The following ABHD12 variants were observed in gnomAD, a reference collection of about 807,000 sequenced individuals.
ABHD12 encodes the protein abhydrolase domain containing 12, lysophospholipase.
In ABHD12, 43 loss-of-function variants were observed where a neutral mutation model predicts 58.3. The ratio of observed to expected loss-of-function variants is 0.74; its 90% CI spans 0.58 to 0.95. ABHD12 has a LOEUF of 0.95. Ranked by LOEUF, ABHD12 falls within the 40% of genes least tolerant of loss-of-function variation. The pLI, the probability that ABHD12 is intolerant of heterozygous loss-of-function variation, is 0.00. For missense variants in ABHD12, 539 were observed against 537.2 expected (o/e 1.00, Z -0.03); for synonymous variants, 219 against 211.2 (o/e 1.04, Z -0.32).
chr20:25,354,879 A>G (rs1014786949), intron 1 of ABHD12, among the ~76,000 whole-genome samples: 1 of 152,116 alleles, frequency 6.6e-6, no homozygotes, highest in South Asian at 2.1e-4. Flanking sequence ...ACCTACCCCA[A>G]TCACATCTAT....
exon 13 of ABHD12, chr20:25,294,907 C>T: frequency 1.3e-6 from 2 of 1,551,982 alleles, no homozygotes; most frequent in Non-Finnish European, 1.8e-6. Context: ...CCACTTTCAG[C>T]TGCCTTTGGG....
chr20:25,358,636 T>G (rs1364785442), intron 1 of ABHD12, among the ~76,000 whole-genome samples: 2 of 152,132 alleles, frequency 1.3e-5, no homozygotes, highest in Non-Finnish European at 2.9e-5. Flanking sequence ...AGGTACAAAC[T>G]CCACATCTGC....
At chr20:25,352,647 C>T (rs1568753213) in intron 1 of ABHD12, among the ~76,000 whole-genome samples, 1 of 152,170 alleles carries the variant, frequency 6.6e-6, no homozygotes, top group African/African-American at 2.4e-5. Context: ...AATTAAGTGA[C>T]TATCTGTATC....
chr20:25,323,288 T>C, intron 3 of ABHD12, 37 bp downstream of exon 3: 2 of 1,379,406 alleles, frequency 1.4e-6, no homozygotes, highest in Admixed American at 1.7e-5. Flanking sequence ...GGTCCTTTCC[T>C]GCTGCTGGAG....
intron 1 of ABHD12, among the ~76,000 whole-genome samples, chr20:25,370,682 A>G (rs922731906): frequency 6.6e-5 from 10 of 152,154 alleles, no homozygotes; most frequent in African/African-American, 2.4e-4. Flanking sequence ...CTACTTAACC[A>G]TCCATGCCTT....
At chr20:25,334,287 A>C (rs374699149) in intron 2 of ABHD12, among the ~76,000 whole-genome samples, 2 of 150,422 alleles carry the variant, frequency 1.3e-5, no homozygotes, top group Non-Finnish European at 2.9e-5. Context: ...ACAAACCACT[A>C]CTCAAGGAAA....
intron 2 of ABHD12, among the ~76,000 whole-genome samples, chr20:25,335,262 A>G (rs894666904): frequency 1.2e-4 from 19 of 152,144 alleles, no homozygotes; most frequent in Non-Finnish European, 1.8e-4. Context: ...ATGAGATACC[A>G]TTTCACACCA....
intron 1 of ABHD12, chr20:25,368,756 G>C: frequency 1.0e-6 from 1 of 991,834 alleles, no homozygotes. Context: ...AAGAACAGTG[G>C]GGTTGACCAT....
downstream of ABHD12, chr20:25,295,542 C>A: frequency 1.3e-6 from 2 of 1,542,312 alleles, no homozygotes; most frequent in Non-Finnish European, 1.8e-6. Flanking sequence ...GGACTCTCCC[C>A]TCGGGACAGT....
chr20:25,366,444 T>C (rs2089822871), intron 1 of ABHD12, among the ~76,000 whole-genome samples: 4 of 152,122 alleles, frequency 2.6e-5, no homozygotes, highest in Admixed American at 2.6e-4. Flanking sequence ...TTTTGTATTT[T>C]TAGTAGAGAT....
chr20:25,353,752 C>T (rs941268834), intron 1 of ABHD12, among the ~76,000 whole-genome samples: 1 of 152,206 alleles, frequency 6.6e-6, no homozygotes, highest in African/African-American at 2.4e-5. Context: ...GGCCTAGAGA[C>T]CATAGCCTGC....
At chr20:25,384,443 A>G in intron 1 of ABHD12, among the ~76,000 whole-genome samples, 1 of 151,776 alleles carries the variant, frequency 6.6e-6, no homozygotes, top group East Asian at 1.9e-4. Flanking sequence ...ACAAAAAAAA[A>G]ACTATATAAA....
At chr20:25,351,004 CACACA>C (rs1568751673) in intron 1 of ABHD12, among the ~76,000 whole-genome samples, 92 of 121,312 alleles carry the variant, frequency 7.6e-4, no homozygotes, top group African/African-American at 2.0e-3. Flanking sequence ...CACACACACA[CACACA>C]CCCTTATTAA....
chr20:25,342,188 G>A (rs2089463876), intron 1 of ABHD12, among the ~76,000 whole-genome samples: 1 of 150,146 alleles, frequency 6.7e-6, no homozygotes, highest in Non-Finnish European at 1.5e-5. Flanking sequence ...ATCAATGAGT[G>A]AATGGATAAA....
intron 1 of ABHD12, among the ~76,000 whole-genome samples, chr20:25,358,355 G>A (rs182059082): frequency 5.0e-4 from 76 of 152,284 alleles, no homozygotes; most frequent in African/African-American, 1.7e-3. Flanking sequence ...ATCTTTACTG[G>A]CAAAGTCAGT....
At chr20:25,319,540 T>C (rs1186932090) in intron 4 of ABHD12, among the ~76,000 whole-genome samples, 3 of 152,188 alleles carry the variant, frequency 2.0e-5, no homozygotes, top group Non-Finnish European at 4.4e-5. Context: ...CCTCCAGGGC[T>C]GCCCTGGCTC....
chr20:25,367,433 T>C (rs1212789390), intron 1 of ABHD12, among the ~76,000 whole-genome samples: 1 of 152,072 alleles, frequency 6.6e-6, no homozygotes, highest in Non-Finnish European at 1.5e-5. Context: ...AAATTTACCA[T>C]CATAACCATT....
At chr20:25,345,257 T>C (rs2089503586) in intron 1 of ABHD12, among the ~76,000 whole-genome samples, 1 of 152,136 alleles carries the variant, frequency 6.6e-6, no homozygotes. Flanking sequence ...AGCTGATTTT[T>C]TGTATTTTTA....
chr20:25,317,028 T>C lies in ABHD12; in HGVS notation c.573+20A>G. The stretch of plus-strand genomic sequence containing the variant: ...GAAAGAACAGCCCAGGGAACAGGTG[T>C]GGGTGCTGCCTGCACTCACCTTGTA... On this transcript the variant is annotated intron_variant, in intron 5 of 12. Coordinates refer to ENST00000339157, the MANE Select transcript of ABHD12 (RefSeq NM_001042472.3). 1 of 1,611,638 alleles carries C rather than the reference T, an allele frequency of 6.2e-7. No homozygotes were observed. Among genetic ancestry groups the C allele is most frequent in the Non-Finnish European group, 8.5e-7 (1 of 1,178,360 alleles).
Sources: gnomAD v4.1 joint callset for allele counts (sites outside exome capture counted in the v4.1 genomes callset) on GRCh38, gnomAD v4.1.1 for gene constraint, MANE v1.5 for transcripts, NCBI Gene and HGNC (gene_info 2026-07-23, HGNC 2026-07-21) for gene names.